BTBD9: variants seen among roughly 807,000 people sequenced by gnomAD.
BTBD9 encodes BTB domain containing 9, also known as BTB/POZ domain-containing protein 9.
A neutral mutation model predicts 64.3 loss-of-function variants in BTBD9; 49 were observed. The observed-to-expected ratio is 0.76, with a 90% CI of 0.61 to 0.97. BTBD9 has a LOEUF of 0.97. Ranked by LOEUF, BTBD9 falls within the 50% of genes least tolerant of loss-of-function variation. The pLI is 0.00. For synonymous variants in BTBD9, 260 were observed against 274.7 expected (o/e 0.95, Z 0.53); for missense variants, 598 against 762.1 (o/e 0.78, Z 2.53).
At chr6:38,339,421 G>C (rs1242589130) in intron 7 of BTBD9, among the ~76,000 whole-genome samples, 1 of 151,984 alleles carries the variant, frequency 6.6e-6, no homozygotes, top group African/African-American at 2.4e-5. Flanking sequence ...GATGCCTAGA[G>C]CCCAGAAGTT....
chr6:38,252,719 C>A (rs916206184), intron 9 of BTBD9, among the ~76,000 whole-genome samples: 1 of 152,090 alleles, frequency 6.6e-6, no homozygotes, highest in Non-Finnish European at 1.5e-5. Context: ...AATGAGTGAA[C>A]AAGACTTTGA....
intron 7 of BTBD9, among the ~76,000 whole-genome samples, chr6:38,306,271 TTG>T (rs1241341169): frequency 6.6e-6 from 1 of 152,236 alleles, no homozygotes; most frequent in Non-Finnish European, 1.5e-5. Flanking sequence ...CTGTCCCAAT[TTG>T]TGTCACTTTG....
At position 38,376,808 on chromosome 6, in the gene BTBD9, T is replaced by G. The variant is rs528612243; in HGVS notation, c.1155-31715A>C. ...GTGCTTATTATGTTATATTTGTCCT[T>G]CTTGGAGTGGTTATACTTGTAAAAA... On this transcript the variant is annotated intron_variant, in intron 6 of 10. Transcript: ENST00000481247. 2.6e-5 allele frequency among the ~76,000 whole-genome samples: 4 copies of G among 152,298 alleles called. No homozygotes were observed. In the East Asian group the frequency reaches 7.7e-4, roughly 29 times the overall value.
In BTBD9 at chr6:38,174,783, A is replaced by G. The variant is rs936360959; in HGVS notation, c.*202T>C. ...TTTTCTCCCCCTTGAGACCTGCCTG[A>G]TTTGGATAAATTGAGAAGAACAAAG... On this transcript the variant is annotated 3_prime_UTR_variant, in exon 11 of 11. Coordinates refer to ENST00000481247, the MANE Select transcript of BTBD9 (RefSeq NM_001099272.2). 15 of 617,398 alleles carry G rather than the reference A, an allele frequency of 2.4e-5. No individual in the cohort carries two copies. The highest frequency in any genetic ancestry group is 3.9e-5 in the Non-Finnish European group (14 of 360,100). 38.2% of individuals were successfully genotyped at this position (617,398 alleles called of 1,614,324 possible).
intron 9 of BTBD9, among the ~76,000 whole-genome samples, chr6:38,222,905 A>T (rs555302667): frequency 6.6e-6 from 1 of 151,962 alleles, no homozygotes; most frequent in Admixed American, 6.6e-5. Context: ...GTTTTATTTT[A>T]TTTATTTATT....
intron 7 of BTBD9, among the ~76,000 whole-genome samples, chr6:38,333,814 C>T (rs994790968): frequency 2.0e-5 from 3 of 152,110 alleles, no homozygotes; most frequent in Admixed American, 1.3e-4. Flanking sequence ...ACACAGGAAA[C>T]GTGTACCAGA....
At chr6:38,624,151 C>T (rs1254632419) in intron 1 of BTBD9, among the ~76,000 whole-genome samples, 6 of 152,202 alleles carry the variant, frequency 3.9e-5, no homozygotes, top group South Asian at 2.1e-4. Context: ...CACCAATCTG[C>T]GCTCTGTAAA....
rs78003171 is a variant in BTBD9, at chr6:38,547,047, T to C, written c.1154+30553A>G. On this transcript the variant is annotated intron_variant, in intron 6 of 10. Coordinates refer to ENST00000481247, the MANE Select transcript of BTBD9 (RefSeq NM_001099272.2). ...CGTCACGAGCCTCATCCATATAAAA[T>C]GGTGAACTTAATGGATAAATGTTGC... is the stretch of plus-strand genomic sequence containing the variant. Among the ~76,000 whole-genome samples, 820 of 152,276 alleles carry C rather than the reference T, an allele frequency of 5.4e-3. 3 individuals carry two copies. Among genetic ancestry groups the C allele is most frequent in the African/African-American group, 0.018 (761 of 41,538 alleles).
chr6:38,540,906 C>T (rs983017802), intron 6 of BTBD9, among the ~76,000 whole-genome samples: 18 of 152,172 alleles, frequency 1.2e-4, no homozygotes, highest in Admixed American at 7.2e-4. Context: ...CCTCATGCTG[C>T]GTTCTATGAT....
intron 8 of BTBD9, among the ~76,000 whole-genome samples, chr6:38,263,826 G>A (rs750082289): frequency 2.6e-5 from 4 of 152,142 alleles, no homozygotes; most frequent in Non-Finnish European, 5.9e-5. Flanking sequence ...TACCATTTGC[G>A]GCTTAACCTA....
chr6:38,427,102 C>T (rs1768198159), intron 6 of BTBD9, among the ~76,000 whole-genome samples: 1 of 151,540 alleles, frequency 6.6e-6, no homozygotes, highest in Non-Finnish European at 1.5e-5. Flanking sequence ...GGACAAATAA[C>T]CAAGAAACCA....
chr6:38,180,160 C>T (rs1761482294), intron 10 of BTBD9, among the ~76,000 whole-genome samples: 1 of 152,338 alleles, frequency 6.6e-6, no homozygotes, highest in Admixed American at 6.5e-5. Context: ...CTCCTGGGAT[C>T]CCAGAAATCC....
At chr6:38,377,211 C>G (rs1765724756) in intron 6 of BTBD9, among the ~76,000 whole-genome samples, 1 of 152,058 alleles carries the variant, frequency 6.6e-6, no homozygotes, top group South Asian at 2.1e-4. Flanking sequence ...CTTTCATACT[C>G]CTTTGTAGAA....
chr6:38,192,421 T>C (rs1561854142), intron 10 of BTBD9, 98 bp downstream of exon 10: 2 of 1,108,734 alleles, frequency 1.8e-6, no homozygotes, highest in Non-Finnish European at 2.7e-6. Flanking sequence ...TAGCAGGCCA[T>C]TAGCAGGCAG....
At chr6:38,502,468 C>G (rs1325082725) in intron 6 of BTBD9, among the ~76,000 whole-genome samples, 1 of 152,144 alleles carries the variant, frequency 6.6e-6, no homozygotes, top group Non-Finnish European at 1.5e-5. Context: ...CTACCATGTT[C>G]AAATCACAAA....
Position 38,606,594 on chromosome 6 carries a change from G to A in BTBD9, c.-27-8473C>T, listed in dbSNP as rs557576366. ...ATATTTGTTGACTAAATATATATTCGTTGGATGTATTAATCTGAAAACAAG... is the reference window on the plus strand; with the variant it reads ...ATATTTGTTGACTAAATATATATTCATTGGATGTATTAATCTGAAAACAAG... On this transcript the variant is annotated intron_variant, in intron 1 of 10. Coordinates refer to ENST00000481247, the MANE Select transcript of BTBD9 (RefSeq NM_001099272.2). Among the ~76,000 whole-genome samples, 17 of 152,180 alleles carry A rather than the reference G, an allele frequency of 1.1e-4. No individual in the cohort carries two copies. The East Asian group carries it at 1.2e-3, about 10-fold the overall frequency.
chr6:38,252,589 C>T (rs542171926), intron 9 of BTBD9, among the ~76,000 whole-genome samples: 1 of 151,936 alleles, frequency 6.6e-6, no homozygotes, highest in Non-Finnish European at 1.5e-5. Context: ...ACAATGCTAT[C>T]GCATCTAAGT....
At position 38,611,902 on chromosome 6, in the gene BTBD9, C is replaced by T. The variant is rs557573343; in HGVS notation, c.-27-13781G>A. ...TAAACTTACAAAACCACTTAATTATCATACTGCATCTTTCTTGGTGTTTGC... is the reference window on the plus strand; with the variant it reads ...TAAACTTACAAAACCACTTAATTATTATACTGCATCTTTCTTGGTGTTTGC... On this transcript the variant is annotated intron_variant, in intron 1 of 10. Transcript: ENST00000481247. Among the ~76,000 whole-genome samples, 6 of 152,262 alleles carry T rather than the reference C, an allele frequency of 3.9e-5. 1 individual carries two copies. In the South Asian group the frequency reaches 1.2e-3, roughly 32 times the overall value.
chr6:38,260,942 T>C (rs1764766623), intron 8 of BTBD9, among the ~76,000 whole-genome samples: 1 of 151,664 alleles, frequency 6.6e-6, no homozygotes, highest in South Asian at 2.1e-4. Context: ...TGAAAATTCT[T>C]TTTTTTTTCT....
Sources: gnomAD v4.1 joint callset for allele counts (sites outside exome capture counted in the v4.1 genomes callset) on GRCh38, gnomAD v4.1.1 for gene constraint, MANE v1.5 for transcripts, NCBI Gene and HGNC (gene_info 2026-07-23, HGNC 2026-07-21) for gene names.